The following HYOU1 variants were observed in gnomAD, a reference collection of about 807,000 sequenced individuals.
HYOU1 encodes the protein hypoxia up-regulated protein 1.
Under a neutral mutation model 120.5 loss-of-function variants are expected in HYOU1, and 40 were observed. That is an observed-to-expected ratio of 0.33 (90% CI 0.26 to 0.43). The LOEUF (loss-of-function observed/expected upper bound fraction) is 0.43. Among genes scored for constraint, HYOU1 ranks in the 20% least tolerant of loss-of-function variants. HYOU1 has a pLI of 1.00. For missense variants in HYOU1, 1,085 were observed against 1,278.3 expected (o/e 0.85, Z 2.31); for synonymous variants, 501 against 479.4 (o/e 1.05, Z -0.59).
chr11:119,050,254 A>G (rs2133577923), intron 14 of HYOU1, among the ~76,000 whole-genome samples: 1 of 152,078 alleles, frequency 6.6e-6, no homozygotes, highest in Admixed American at 6.6e-5. Flanking sequence ...TCTACTCCAA[A>G]TAACAAAAAT....
In HYOU1 at chr11:119,045,622, T is replaced by G; in HGVS notation, c.2971A>C (p.Lys991Gln). Residue 991 changes from lysine (K) to glutamine (Q), a missense_variant, in exon 26 of 26, where the codon AAG becomes CAG. Physicochemically the swap from Lys to Gln is moderately conservative, Grantham distance 53. This residue lies in a region of HYOU1 where 516 missense variants were observed against 517.1 expected (regional missense o/e 1.00). Transcript: ENST00000617285. ...PEQKEQSTGQKRPLKNDEL is the reference protein window; with the variant it reads ...PEQKEQSTGQQRPLKNDEL ...AGTTCGTCGTTCTTCAAAGGCCGCT[T>G]CTGTCCTGTCGATTGTTCTTTCTGT... 4 of 1,614,214 alleles carry G rather than the reference T, an allele frequency of 2.5e-6. No individual in the cohort carries two copies. Among genetic ancestry groups the G allele is most frequent in the Non-Finnish European group, 3.4e-6 (4 of 1,180,028 alleles).
Position 119,049,388 on chromosome 11 carries a change from G to A in HYOU1, c.1806+168C>T, listed in dbSNP as rs1253738832. 3 of 1,563,934 alleles carry A rather than the reference G, an allele frequency of 1.9e-6. No homozygotes were observed. The Admixed American group carries it at 5.6e-5, about 29-fold the overall frequency. On this transcript the variant is annotated intron_variant, in intron 16 of 25. Coordinates refer to ENST00000617285, the MANE Select transcript of HYOU1 (RefSeq NM_006389.5). ...AAGAGCATCTGCAATGAGGGGAATGGGCCTTGGGAGCACCAGTCAAGAAAC... is the reference window on the plus strand; with the variant it reads ...AAGAGCATCTGCAATGAGGGGAATGAGCCTTGGGAGCACCAGTCAAGAAAC...
Position 119,048,005 on chromosome 11 carries a change from A to G in HYOU1, c.2452T>C (p.Trp818Arg). 6.2e-7 allele frequency: 1 copy of G among 1,614,054 alleles called. No individual in the cohort carries two copies. Among genetic ancestry groups the G allele is most frequent in the Non-Finnish European group, 8.5e-7 (1 of 1,179,992 alleles). Residue 818 changes from tryptophan (W) to arginine (R), a missense_variant, in exon 21 of 26, where the codon TGG (tryptophan) becomes CGG (arginine). By Grantham distance (101) the Trp-to-Arg change is moderately radical. This residue lies in a region of HYOU1 where 516 missense variants were observed against 517.1 expected (regional missense o/e 1.00). Coordinates refer to ENST00000617285, the MANE Select transcript of HYOU1 (RefSeq NM_006389.5). The surrounding 1 kb of genome is among the most constrained non-coding windows in gnomAD (Gnocchi z 4.7). Reference protein sequence around the residue: ...LFFRVEERKKWPERLSALDNL... With the variant: ...LFFRVEERKKRPERLSALDNL... ...TCGAGGGCAGACAGCCGTTCGGGCC[A>G]CTTCTTGCGCTCCTCTACCCGAAAA... is the stretch of plus-strand genomic sequence containing the variant.
In HYOU1 at chr11:119,055,981, G is replaced by T; in HGVS notation, c.91+89C>A. 7.1e-7 allele frequency: 1 copy of T among 1,398,786 alleles called. No individual in the cohort carries two copies. Among genetic ancestry groups the T allele is most frequent in the South Asian group, 1.2e-5 (1 of 86,656 alleles). 86.6% of individuals were successfully genotyped at this position (1,398,786 alleles called of 1,614,324 possible). Reference sequence around the variant, plus strand: ...AAGGCCTGGACCTAACAACTCAAGAGACTTCTGGCCAACAGCCCCAAGCTC... The same window carrying T: ...AAGGCCTGGACCTAACAACTCAAGATACTTCTGGCCAACAGCCCCAAGCTC... On this transcript the variant is annotated intron_variant, in intron 2 of 25. Transcript: ENST00000617285. The surrounding 1 kb of genome is among the most constrained non-coding windows in gnomAD (Gnocchi z 4.0).
In HYOU1 at chr11:119,049,538, G is replaced by T. The variant is rs2133573879; in HGVS notation, c.1806+18C>A. The T allele has an allele frequency of 1.2e-6, 2 of 1,613,042 alleles. No individual in the cohort carries two copies. The highest frequency in any genetic ancestry group is 2.2e-5 in the South Asian group (2 of 91,064). ...CCCCACCGTCCTCCATGCTTCCCTG[G>T]CTCCATCCTGAACTCACCTGGACAG... On this transcript the variant is annotated intron_variant, in intron 16 of 25. Transcript: ENST00000617285.
chr11:119,051,300 A>G lies in HYOU1; in HGVS notation c.1527-127T>C, dbSNP rs962203740. The G allele has an allele frequency of 1.3e-6, 2 of 1,492,480 alleles. No homozygotes were observed. The highest frequency in any genetic ancestry group is 3.6e-5 in the Admixed American group (2 of 55,474). The allele number at this position is 1,492,480 out of a possible 1,614,324, so 92.5% of individuals were successfully genotyped here. On this transcript the variant is annotated intron_variant, in intron 13 of 25. Transcript: ENST00000617285. This position sits in a 1 kb window ranked among gnomAD's most constrained non-coding sequence, Gnocchi z 4.2. ...AGGGCACACTCAAGAGGACGGATGC[A>G]TTCTCCAGCGAAGCTGATCATAGCT... is the stretch of plus-strand genomic sequence containing the variant.
In HYOU1 at chr11:119,045,074, A is replaced by T. The variant is rs1943986576; in HGVS notation, c.*519T>A. On this transcript the variant is annotated 3_prime_UTR_variant, in exon 26 of 26. Coordinates refer to ENST00000617285, the MANE Select transcript of HYOU1 (RefSeq NM_006389.5). ...GAATGGGGAAGGGAGGCTCAGAGCA[A>T]GAGAAGCCCGCAGAGGGAGGAAAGA... 2 of 449,314 alleles carry T rather than the reference A, an allele frequency of 4.5e-6. No individual in the cohort carries two copies. The highest frequency in any genetic ancestry group is 4.0e-5 in the African/African-American group (2 of 49,968). The allele number at this position is 449,314 out of a possible 1,614,324, so 27.8% of individuals were successfully genotyped here. A position where few individuals can be genotyped will look rare whatever the true frequency, so the allele number is the denominator to read the frequency against.
chr11:119,045,604 C>A lies in HYOU1; in HGVS notation c.2989G>T (p.Asp997Tyr), dbSNP rs1399020629. ...STGQKRPLKNDEL is the reference protein window; with the variant it reads ...STGQKRPLKNYEL ...AACAGAGGTGGGGGTTATAGTTCGT[C>A]GTTCTTCAAAGGCCGCTTCTGTCCT... The change falls in exon 26 of 26, where the codon GAC becomes TAC. Residue 997 changes from aspartate (D) to tyrosine (Y), a missense_variant. By Grantham distance (160) the Asp-to-Tyr change is radical. Transcript: ENST00000617285. 1 of 1,614,116 alleles carries A rather than the reference C, an allele frequency of 6.2e-7. No homozygotes were observed. The highest frequency in any genetic ancestry group is 1.7e-5 in the Admixed American group (1 of 60,024).
rs2133547442 is a variant in HYOU1, at chr11:119,046,125, T to G, written c.2887+292A>C. ...AAAGGTGTGCGCCACCACGCCTGAC[T>G]CTTTTTTTTGGTATTTTTTTAGTAA... On this transcript the variant is annotated intron_variant, in intron 24 of 25. Coordinates refer to ENST00000617285, the MANE Select transcript of HYOU1 (RefSeq NM_006389.5). Among the ~76,000 whole-genome samples the G allele has an allele frequency of 2.0e-5, 3 of 152,102 alleles. No homozygotes were observed. The South Asian group carries it at 6.2e-4, about 32-fold the overall frequency.
chr11:119,045,294 C>T lies in HYOU1; in HGVS notation c.*299G>A, dbSNP rs1943996331. 3.6e-6 allele frequency: 2 copies of T among 553,566 alleles called. No homozygotes were observed. The highest frequency in any genetic ancestry group is 6.9e-6 in the Non-Finnish European group (2 of 290,964). The allele number at this position is 553,566 out of a possible 1,614,324, so 34.3% of individuals were successfully genotyped here. On this transcript the variant is annotated 3_prime_UTR_variant, in exon 26 of 26. Coordinates refer to ENST00000617285, the MANE Select transcript of HYOU1 (RefSeq NM_006389.5). The stretch of plus-strand genomic sequence containing the variant: ...GCCACTGGCAGCCATTCTCTTCCTA[C>T]CCACAGGCAAAGGATTCAGAAATTA...
In HYOU1 at chr11:119,052,961, T is replaced by C; in HGVS notation, c.795-132A>G. ...CCTTGTTCATCTCCAGTGCCCCATG[T>C]GTGGACACACACTCTGCCCTCAACT... On this transcript the variant is annotated intron_variant, in intron 8 of 25. Coordinates refer to ENST00000617285, the MANE Select transcript of HYOU1 (RefSeq NM_006389.5). This position sits in a 1 kb window ranked among gnomAD's most constrained non-coding sequence, Gnocchi z 5.0. The C allele has an allele frequency of 1.3e-6, 1 of 785,252 alleles. No homozygotes were observed. Among genetic ancestry groups the C allele is most frequent in the Non-Finnish European group, 2.0e-6 (1 of 501,728 alleles). The allele number at this position is 785,252 out of a possible 1,614,324, so 48.6% of individuals were successfully genotyped here.
chr11:119,045,017 C>A lies in HYOU1; in HGVS notation c.*576G>T. ...AACTGCCCAATTTGCTGCAGGAAGCCAAGGAAACCCAGGGGGAAAGGAGCT... is the reference window on the plus strand; with the variant it reads ...AACTGCCCAATTTGCTGCAGGAAGCAAAGGAAACCCAGGGGGAAAGGAGCT... On this transcript the variant is annotated 3_prime_UTR_variant, in exon 26 of 26. Coordinates refer to ENST00000617285, the MANE Select transcript of HYOU1 (RefSeq NM_006389.5). The A allele has an allele frequency of 2.4e-6, 1 of 425,504 alleles. No homozygotes were observed. The highest frequency in any genetic ancestry group is 4.9e-6 in the Non-Finnish European group (1 of 202,900). 26.4% of individuals were successfully genotyped at this position (425,504 alleles called of 1,614,324 possible).
chr11:119,051,801 TCA>T lies in HYOU1; in HGVS notation c.1338+16_1338+17del. ...GAGGTAAAGGGAGCTTGTCACCTGC[TCA>T]GTCAGGCTCACTCACCAGGATGGGG... On this transcript the variant is annotated intron_variant, in intron 12 of 25. Transcript: ENST00000617285. The surrounding 1 kb of genome is among the most constrained non-coding windows in gnomAD (Gnocchi z 4.2). 1 of 1,613,818 alleles carries T rather than the reference TCA, an allele frequency of 6.2e-7. No individual in the cohort carries two copies.
At chr11:119,049,957 C>A (rs1944325074) in intron 14 of HYOU1, 120 bp from the exon 15 acceptor site, 4 of 892,876 alleles carry the variant, frequency 4.5e-6, no homozygotes, top group African/African-American at 3.3e-5. Context: ...AGTCTCTCAC[C>A]TGCCTTTTCT....
Position 119,051,213 on chromosome 11 carries a change from C to T in HYOU1, c.1527-40G>A, listed in dbSNP as rs1220835067. The T allele has an allele frequency of 3.1e-6, 5 of 1,611,672 alleles. No homozygotes were observed. Among genetic ancestry groups the T allele is most frequent in the Non-Finnish European group, 3.4e-6 (4 of 1,178,610 alleles). On this transcript the variant is annotated intron_variant, in intron 13 of 25. Coordinates refer to ENST00000617285, the MANE Select transcript of HYOU1 (RefSeq NM_006389.5). The surrounding 1 kb of genome is among the most constrained non-coding windows in gnomAD (Gnocchi z 4.2). ...AAGAGGAGTTCAGGGGGACCCACCC[C>T]AGCCCATCTCGCCCTCTAGACTACA...
At chr11:119,053,452 G>A (rs1196919518) in intron 8 of HYOU1, 1 of 152,596 alleles carries the variant, frequency 6.6e-6, no homozygotes, top group African/African-American at 2.4e-5. Context: ...CAAAAAGCGA[G>A]AGGGCTCAGG....
Position 119,048,207 on chromosome 11 carries a change from G to A in HYOU1, c.2376+41C>T. 2 of 1,606,452 alleles carry A rather than the reference G, an allele frequency of 1.2e-6. No individual in the cohort carries two copies. The highest frequency in any genetic ancestry group is 1.1e-5 in the South Asian group (1 of 90,726). ...CTCTCTGACCCTGGGAGAGGAAGGA[G>A]AGCTCCCACTCCACCTGCCATGTCC... On this transcript the variant is annotated intron_variant, in intron 20 of 25. Transcript: ENST00000617285. The surrounding 1 kb of genome is among the most constrained non-coding windows in gnomAD (Gnocchi z 4.7).
rs2133568557 is a variant in HYOU1, at chr11:119,048,929, T to A, written c.1993-43A>T. 94 of 1,607,254 alleles carry A rather than the reference T, an allele frequency of 5.8e-5. No individual in the cohort carries two copies. Among genetic ancestry groups the A allele is most frequent in the Non-Finnish European group, 7.8e-5 (92 of 1,176,976 alleles). On this transcript the variant is annotated intron_variant, in intron 17 of 25. Transcript: ENST00000617285. The surrounding 1 kb of genome is among the most constrained non-coding windows in gnomAD (Gnocchi z 4.7). ...GGGGTGTCAGGAAAAGCCTCTGCCC[T>A]CCTACATTCTCCACAAGGCCAGAAA... is the stretch of plus-strand genomic sequence containing the variant.
At chr11:119,056,462 C>A in intron 1 of HYOU1, 1 of 493,238 alleles carries the variant, frequency 2.0e-6, no homozygotes, top group South Asian at 1.6e-5. Flanking sequence ...TTGTCCACCA[C>A]ACAGGCAGTG....
Sources: allele counts gnomAD v4.1 joint callset (sites outside exome capture counted in the v4.1 genomes callset), GRCh38; gene constraint gnomAD v4.1.1; regional missense constraint gnomAD v4.1.1; non-coding constraint Gnocchi (gnomAD v3.1); transcripts MANE v1.5; gene names NCBI Gene and HGNC (gene_info 2026-07-23, HGNC 2026-07-21).